The following CHD6 variants were observed in gnomAD, a reference collection of about 807,000 sequenced individuals.
The protein encoded by CHD6 is chromodomain helicase DNA binding protein 6, also known as ATP-dependent chromatin remodeler CHD6.
Under a neutral mutation model 276.9 loss-of-function variants are expected in CHD6, and 50 were observed. That is an observed-to-expected ratio of 0.18 (90% CI 0.14 to 0.23). CHD6 has a LOEUF of 0.23. Ranked by LOEUF, CHD6 falls within the 10% of genes least tolerant of loss-of-function variation. The pLI is 1.00. For missense variants in CHD6, 2,564 were observed against 3,365.8 expected (o/e 0.76, Z 5.89); for synonymous variants, 1,173 against 1,229.3 (o/e 0.95, Z 0.96).
intron 1 of CHD6, among the ~76,000 whole-genome samples, chr20:41,575,229 C>T (rs1269711329): frequency 6.6e-6 from 1 of 152,270 alleles, no homozygotes; most frequent in Non-Finnish European, 1.5e-5. Context: ...AGTGTACTTT[C>T]GTTTTCAATA....
intron 1 of CHD6, among the ~76,000 whole-genome samples, chr20:41,565,763 A>T (rs964729918): frequency 2.0e-5 from 3 of 152,178 alleles, no homozygotes; most frequent in Non-Finnish European, 2.9e-5. Context: ...GAAATGTTCT[A>T]TTTGGGGCGC....
chr20:41,403,861 G>T lies in CHD6; in HGVS notation c.*732C>A. On this transcript the variant is annotated 3_prime_UTR_variant, in exon 37 of 37. Transcript: ENST00000373233. ...CCCCCGTCGACAGCAATAACTCATG[G>T]TGGGTAAAGCTTTCTCGCAGCAAGA... is the stretch of plus-strand genomic sequence containing the variant. 6 of 1,057,544 alleles carry T rather than the reference G, an allele frequency of 5.7e-6. No homozygotes were observed. Among genetic ancestry groups the T allele is most frequent in the Non-Finnish European group, 4.6e-6 (4 of 874,366 alleles). The allele number at this position is 1,057,544 out of a possible 1,614,324, so 65.5% of individuals were successfully genotyped here.
At chr20:41,574,783 T>C (rs1320682438) in intron 1 of CHD6, among the ~76,000 whole-genome samples, 1 of 152,154 alleles carries the variant, frequency 6.6e-6, no homozygotes, top group African/African-American at 2.4e-5. Flanking sequence ...AAAAAGAGTT[T>C]ATAATGAGGT....
Position 41,452,678 on chromosome 20 carries a change from G to A in CHD6, c.3323+62C>T. The A allele has an allele frequency of 6.9e-7, 1 of 1,441,442 alleles. No individual in the cohort carries two copies. Among genetic ancestry groups the A allele is most frequent in the Non-Finnish European group, 9.6e-7 (1 of 1,037,930 alleles). The allele number at this position is 1,441,442 out of a possible 1,614,324, so 89.3% of individuals were successfully genotyped here. ...AGAGACATCCTAGACAAATCTCAGG[G>A]ACTGAAAAACAGAGGGGAACAAACA... On this transcript the variant is annotated intron_variant, in intron 21 of 36. Transcript: ENST00000373233. This position sits in a 1 kb window ranked among gnomAD's most constrained non-coding sequence, Gnocchi z 4.2.
chr20:41,594,279 C>T (rs1234482977), intron 1 of CHD6, among the ~76,000 whole-genome samples: 1 of 152,234 alleles, frequency 6.6e-6, no homozygotes, highest in Non-Finnish European at 1.5e-5. Context: ...GGTCACATCC[C>T]ATGGCTCCAG....
intron 27 of CHD6, among the ~76,000 whole-genome samples, chr20:41,427,070 T>A (rs2047387300): frequency 6.6e-6 from 1 of 152,048 alleles, no homozygotes; most frequent in East Asian, 1.9e-4. Flanking sequence ...AAGCTAAGAA[T>A]GGTTCTTACG....
intron 1 of CHD6, among the ~76,000 whole-genome samples, chr20:41,577,064 G>A (rs1397696163): frequency 6.6e-6 from 1 of 152,202 alleles, no homozygotes; most frequent in Non-Finnish European, 1.5e-5. Flanking sequence ...AGGAAGGAAA[G>A]AGAATTATTT....
At chr20:41,615,609 G>C (rs2045927576) in intron 1 of CHD6, among the ~76,000 whole-genome samples, 2 of 152,214 alleles carry the variant, frequency 1.3e-5, no homozygotes, top group Admixed American at 1.3e-4. Flanking sequence ...GAGGGAAGTA[G>C]AGTGCAGCCT....
rs2047740724 is a variant in CHD6, at chr20:41,437,280, T to C, written c.4062A>G (p.Lys1354=). ...NAEDKVDGLQ[K]QTESSSDGGD... ...TACTGCACATTTGACTCACCGTTTG[T>C]TTCTGGAGGCCATCTACTTTGTCCT... Residue 1354 remains lysine (K), a synonymous_variant, in exon 27 of 37, where the codon AAA becomes AAG. Coordinates refer to ENST00000373233, the MANE Select transcript of CHD6 (RefSeq NM_032221.5). 2.0e-5 allele frequency: 33 copies of C among 1,612,984 alleles called. No homozygotes were observed. The highest frequency in any genetic ancestry group is 2.7e-5 in the Non-Finnish European group (32 of 1,179,138).
chr20:41,416,543 C>T, intron 33 of CHD6, 45 bp downstream of exon 33: 5 of 1,535,380 alleles, frequency 3.3e-6, no homozygotes, highest in Non-Finnish European at 4.5e-6. Flanking sequence ...GTGGAACACG[C>T]CCACCATTCT....
intron 23 of CHD6, among the ~76,000 whole-genome samples, chr20:41,449,929 G>A (rs2048184608): frequency 6.6e-6 from 1 of 152,104 alleles, no homozygotes. Context: ...ACTTTTTAAA[G>A]GTTCTTTTGA....
rs2045222843 is a variant in CHD6, at chr20:41,555,714, C to T, written c.-23-4354G>A. 2.0e-5 allele frequency among the ~76,000 whole-genome samples: 3 copies of T among 151,620 alleles called. No homozygotes were observed. In the South Asian group the frequency reaches 6.3e-4, roughly 32 times the overall value. ...CGATGGGCAGCCGGGCAGAGACGCT[C>T]CTCACTTCCTAGATGGGATGGCGGC... On this transcript the variant is annotated intron_variant, in intron 1 of 36. Coordinates refer to ENST00000373233, the MANE Select transcript of CHD6 (RefSeq NM_032221.5).
intron 1 of CHD6, among the ~76,000 whole-genome samples, chr20:41,612,906 C>G (rs987537363): frequency 1.3e-5 from 2 of 151,986 alleles, no homozygotes; most frequent in African/African-American, 4.8e-5. Flanking sequence ...TCTGGTCTGG[C>G]CCAACAAAAA....
intron 5 of CHD6, 64 bp from the exon 6 acceptor site, chr20:41,499,421 G>C: frequency 1.5e-6 from 2 of 1,319,544 alleles, no homozygotes; most frequent in Non-Finnish European, 2.1e-6. Context: ...AAACAATTCT[G>C]TAAGAAATAC....
At chr20:41,490,967 C>CAA (rs903822696) in intron 11 of CHD6, among the ~76,000 whole-genome samples, 81 of 151,914 alleles carry the variant, frequency 5.3e-4, no homozygotes, top group African/African-American at 1.8e-3. Context: ...AAAACAAAAA[C>CAA]AAAAAAGGTA....
chr20:41,450,702 G>C (rs1402096782), intron 23 of CHD6, among the ~76,000 whole-genome samples: 3 of 152,176 alleles, frequency 2.0e-5, no homozygotes, highest in African/African-American at 7.2e-5. Context: ...AAATCCTCAG[G>C]GGTATATACA....
intron 12 of CHD6, 91 bp downstream of exon 12, chr20:41,489,687 T>C (rs1313961544): frequency 5.3e-6 from 8 of 1,509,168 alleles, no homozygotes; most frequent in Middle Eastern, 2.0e-4. Context: ...TAATACAAGA[T>C]GCAGGGCACT....
intron 27 of CHD6, among the ~76,000 whole-genome samples, chr20:41,431,079 C>T (rs907789054): frequency 3.3e-5 from 5 of 152,008 alleles, no homozygotes; most frequent in South Asian, 2.1e-4. Flanking sequence ...GTGATCCACC[C>T]GCCTCAGCCT....
intron 28 of CHD6, 142 bp from the exon 29 acceptor site, chr20:41,425,536 C>A: frequency 2.4e-6 from 2 of 835,150 alleles, no homozygotes; most frequent in South Asian, 3.5e-5. Flanking sequence ...GGCCCAGGAG[C>A]AAGGCATGAC....
Sources: gnomAD v4.1 joint callset for allele counts (sites outside exome capture counted in the v4.1 genomes callset) on GRCh38, gnomAD v4.1.1 for gene constraint, Gnocchi (gnomAD v3.1) non-coding constraint, MANE v1.5 for transcripts, NCBI Gene and HGNC (gene_info 2026-07-23, HGNC 2026-07-21) for gene names.